RGS13: variants seen among roughly 807,000 people sequenced by gnomAD.
RGS13 encodes regulator of G-protein signalling 13.
Under a neutral mutation model 19.9 loss-of-function variants are expected in RGS13, and 14 were observed. The ratio of observed to expected loss-of-function variants is 0.70; its 90% CI spans 0.46 to 1.10. The LOEUF (loss-of-function observed/expected upper bound fraction) is 1.10. Among genes scored for constraint, RGS13 ranks in the 50% least tolerant of loss-of-function variants. RGS13 has a pLI of 0.00. For synonymous variants in RGS13, 60 were observed against 56.8 expected (o/e 1.06, Z -0.25); for missense variants, 205 against 187.1 (o/e 1.10, Z -0.56).
chr1:192,653,028 G>C (rs963815842), intron 5 of RGS13, among the ~76,000 whole-genome samples: 1 of 152,050 alleles, frequency 6.6e-6, no homozygotes, highest in African/African-American at 2.4e-5. Context: ...AGCAGGATCA[G>C]ATAGATGAAT....
At chr1:192,645,438 A>T (rs940849827) in intron 4 of RGS13, 6 of 152,186 alleles carry the variant, frequency 3.9e-5, no homozygotes, top group African/African-American at 7.2e-5. Context: ...GATAGACGTT[A>T]TTATCCCTAT....
chr1:192,648,205 T>C (rs942864144), intron 5 of RGS13, among the ~76,000 whole-genome samples: 1 of 152,184 alleles, frequency 6.6e-6, no homozygotes, highest in Non-Finnish European at 1.5e-5. Flanking sequence ...CTGTGAATAT[T>C]CTTCACAAGT....
In RGS13 at chr1:192,655,941, A is replaced by C. The variant is rs921292188; in HGVS notation, c.128-2260A>C. Among the ~76,000 whole-genome samples, 4 of 152,124 alleles carry C rather than the reference A, an allele frequency of 2.6e-5. No homozygotes were observed. The East Asian group carries it at 7.7e-4, about 29-fold the overall frequency. On this transcript the variant is annotated intron_variant, in intron 5 of 6. Coordinates refer to ENST00000391995, the MANE Select transcript of RGS13 (RefSeq NM_002927.5). ...GCAATGTATATATGGCTTCATTAGC[A>C]AAGGACTTTGGTATGACAAGAATTG...
At chr1:192,646,808 A>G (rs1351485747) in intron 4 of RGS13, 1 of 152,134 alleles carries the variant, frequency 6.6e-6, no homozygotes, top group Non-Finnish European at 1.5e-5. Context: ...AGCTCCATTC[A>G]TGTCCCTGCA....
At position 192,658,301 on chromosome 1, in the gene RGS13, G is replaced by A. The variant is rs41300867; in HGVS notation, c.228G>A (p.Arg76=). The A allele has an allele frequency of 0.024, 38,443 of 1,613,460 alleles. 596 individuals are homozygous for A. Among genetic ancestry groups the A allele is most frequent in the Admixed American group, 0.043 (2,588 of 59,928 alleles). The part of the protein sequence containing the change: ...ACETYKKIAS[R]WSRISRAKKL... ...AAACCTATAAGAAAATTGCCTCACG[G>A]TGGAGCAGAATTTCTAGGGCAAAGA... The change falls in exon 6 of 7, where the codon CGG becomes CGA. Residue 76 remains arginine (R), a synonymous_variant. Transcript: ENST00000391995.
chr1:192,656,656 T>A (rs914780329), intron 5 of RGS13, among the ~76,000 whole-genome samples: 2 of 152,102 alleles, frequency 1.3e-5, no homozygotes, highest in Admixed American at 1.3e-4. Flanking sequence ...TATGTCCTTG[T>A]TGAACCGTAT....
At chr1:192,639,128 A>T (rs569569541) in intron 3 of RGS13, among the ~76,000 whole-genome samples, 1 of 152,208 alleles carries the variant, frequency 6.6e-6, no homozygotes, top group African/African-American at 2.4e-5. Flanking sequence ...TCTTTGCTGG[A>T]ATTATTAAAA....
At chr1:192,648,052 G>T in intron 5 of RGS13, 65 bp downstream of exon 5, 2 of 1,140,612 alleles carry the variant, frequency 1.8e-6, no homozygotes, top group South Asian at 1.5e-5. Flanking sequence ...GTAAAGGTGG[G>T]GGTGCCAGAT....
intron 5 of RGS13, among the ~76,000 whole-genome samples, chr1:192,652,921 G>GC (rs1451092222): frequency 6.6e-6 from 1 of 152,064 alleles, no homozygotes; most frequent in East Asian, 1.9e-4. Context: ...AAGAGGGGTG[G>GC]CCTTTATCAC....
chr1:192,660,159 T>G lies in RGS13; in HGVS notation c.*636T>G, dbSNP rs1191522937. ...TCATTTGCTCTTGCATCTACATTGC[T>G]ATAAGGATATAAAATGTGGTTTCTA... On this transcript the variant is annotated 3_prime_UTR_variant, in exon 7 of 7. Transcript: ENST00000391995. The G allele has an allele frequency of 6.6e-6, 1 of 152,116 alleles. No individual in the cohort carries two copies. Among genetic ancestry groups the G allele is most frequent in the East Asian group, 1.9e-4 (1 of 5,206 alleles). 9.4% of individuals were successfully genotyped at this position (152,116 alleles called of 1,614,324 possible).
intron 5 of RGS13, among the ~76,000 whole-genome samples, chr1:192,657,462 A>G (rs1355460430): frequency 1.3e-5 from 2 of 152,130 alleles, no homozygotes; most frequent in African/African-American, 2.4e-5. Context: ...GCTTATCCTT[A>G]TCTAAGCACT....
At chr1:192,642,217 G>A (rs12097452) in intron 3 of RGS13, among the ~76,000 whole-genome samples, 25,952 of 151,946 alleles carry the variant, frequency 0.17, 2,308 homozygotes, top group Middle Eastern at 0.23. Flanking sequence ...TTGCTGCAGT[G>A]AACATTTTTA....
Position 192,659,812 on chromosome 1 carries a change from C to A in RGS13, c.*289C>A. The A allele has an allele frequency of 1.3e-5, 3 of 230,458 alleles. No homozygotes were observed. Among genetic ancestry groups the A allele is most frequent in the Non-Finnish European group, 2.5e-5 (3 of 120,542 alleles). 14.3% of individuals were successfully genotyped at this position (230,458 alleles called of 1,614,324 possible). On this transcript the variant is annotated 3_prime_UTR_variant, in exon 7 of 7. Transcript: ENST00000391995. ...ATTATAAAGTTTTTACTGTAGTAGT[C>A]AATTAATGGATATTTCCTTGTTAAT...
At position 192,644,529 on chromosome 1, in the gene RGS13, C is replaced by A; in HGVS notation, c.65+130C>A. On this transcript the variant is annotated intron_variant, in intron 4 of 6. Coordinates refer to ENST00000391995, the MANE Select transcript of RGS13 (RefSeq NM_002927.5). The stretch of plus-strand genomic sequence containing the variant: ...GTAAAATTTGCATTTACACGTGAGT[C>A]ATTTCATCAGAAGAGCAGTCATATG... 5.8e-6 allele frequency: 4 copies of A among 689,932 alleles called. No individual in the cohort carries two copies. In the South Asian group the frequency reaches 5.9e-5, roughly 10 times the overall value. The allele number at this position is 689,932 out of a possible 1,614,324, so 42.7% of individuals were successfully genotyped here.
intron 3 of RGS13, among the ~76,000 whole-genome samples, chr1:192,640,126 A>T (rs4338337): frequency 0.83 from 126,888 of 152,032 alleles, 55,007 homozygotes; most frequent in Non-Finnish European, 0.95. Flanking sequence ...AAGATAGGGA[A>T]GACTAATAAT....
intron 1 of RGS13, among the ~76,000 whole-genome samples, chr1:192,636,779 T>C (rs1051222662): frequency 6.6e-6 from 1 of 152,000 alleles, no homozygotes; most frequent in African/African-American, 2.4e-5. Context: ...ATTGTTAATC[T>C]TGATTTTGTA....
At chr1:192,650,348 A>G (rs1334202382) in intron 5 of RGS13, among the ~76,000 whole-genome samples, 4 of 152,102 alleles carry the variant, frequency 2.6e-5, no homozygotes, top group Non-Finnish European at 5.9e-5. Flanking sequence ...ACAATCACAT[A>G]ATAAGTAATA....
chr1:192,641,249 G>T (rs28453342), intron 3 of RGS13, among the ~76,000 whole-genome samples: 1 of 48,964 alleles, frequency 2.0e-5, no homozygotes, highest in African/African-American at 7.2e-5. Context: ...AGAAAGAAAA[G>T]AAAGAAAAGA....
chr1:192,652,248 G>A (rs898034429), intron 5 of RGS13, among the ~76,000 whole-genome samples: 1 of 152,066 alleles, frequency 6.6e-6, no homozygotes, highest in Non-Finnish European at 1.5e-5. Flanking sequence ...GTGTGGGCTG[G>A]TGCATCTTCC....
Sources: allele counts gnomAD v4.1 joint callset (sites outside exome capture counted in the v4.1 genomes callset), GRCh38; gene constraint gnomAD v4.1.1; transcripts MANE v1.5; gene names NCBI Gene and HGNC (gene_info 2026-07-23, HGNC 2026-07-21).